MSRA: variants seen among roughly 807,000 people sequenced by gnomAD.
MSRA encodes mitochondrial peptide methionine sulfoxide reductase.
A neutral mutation model predicts 31.3 loss-of-function variants in MSRA; 54 were observed. The observed-to-expected ratio is 1.73, with a 90% CI of 1.39 to 2.17. MSRA has a LOEUF of 2.17. Among genes scored for constraint, MSRA ranks in the 30% most tolerant of loss-of-function variants. The pLI, the probability that MSRA is intolerant of heterozygous loss-of-function variation, is 0.00. For synonymous variants in MSRA, 169 were observed against 116.5 expected, an observed-to-expected ratio of 1.45 and a Z score of -2.90; for missense variants, 507 against 300.9, an observed-to-expected ratio of 1.69 and a Z score of -5.07.
At chr8:10,256,138 C>G (rs539934282) in intron 3 of MSRA, among the ~76,000 whole-genome samples, 1 of 152,022 alleles carries the variant, frequency 6.6e-6, no homozygotes, top group African/African-American at 2.4e-5. Context: ...GCCCATCCTC[C>G]CCCCCCAACC....
intron 5 of MSRA, among the ~76,000 whole-genome samples, chr8:10,418,838 A>AAAAAAAAAAC (rs1563459639): frequency 1.4e-5 from 1 of 69,424 alleles, no homozygotes; most frequent in African/African-American, 4.4e-5. Flanking sequence ...AAAAAAAAAA[A>AAAAAAAAAAC]CCAACAAAAA....
At chr8:10,105,477 T>TC (rs764403467) in intron 1 of MSRA, among the ~76,000 whole-genome samples, 1 of 152,242 alleles carries the variant, frequency 6.6e-6, no homozygotes, top group Non-Finnish European at 1.5e-5. Context: ...TCCCCAGGCA[T>TC]CCATCATTGA....
chr8:10,061,297 C>T (rs773575199), intron 1 of MSRA, among the ~76,000 whole-genome samples: 11 of 152,140 alleles, frequency 7.2e-5, no homozygotes, highest in African/African-American at 2.7e-4. Context: ...CATTAAATGT[C>T]TATTAAAGGC....
At chr8:10,382,495 G>A (rs991700776) in intron 5 of MSRA, among the ~76,000 whole-genome samples, 4 of 152,186 alleles carry the variant, frequency 2.6e-5, no homozygotes, top group African/African-American at 7.2e-5. Flanking sequence ...GGCTTTGAGT[G>A]CCCTATTTGC....
intron 5 of MSRA, among the ~76,000 whole-genome samples, chr8:10,427,384 G>T (rs370141176): frequency 1.3e-5 from 2 of 152,194 alleles, no homozygotes; most frequent in African/African-American, 4.8e-5. Context: ...TCCTTTCCCA[G>T]CTTGTGTTGA....
At chr8:10,183,616 G>C (rs1276057596) in intron 1 of MSRA, among the ~76,000 whole-genome samples, 1 of 152,178 alleles carries the variant, frequency 6.6e-6, no homozygotes, top group East Asian at 1.9e-4. Flanking sequence ...GAGAGTAGGA[G>C]ACAGGCTGAT....
At chr8:10,096,087 A>G (rs1478430741) in intron 1 of MSRA, 1 of 1,342,666 alleles carries the variant, frequency 7.4e-7, no homozygotes, top group African/African-American at 1.5e-5. Context: ...AGACATTTAT[A>G]GACATTAACT....
At chr8:10,176,293 C>A (rs755197141) in intron 1 of MSRA, among the ~76,000 whole-genome samples, 9 of 152,224 alleles carry the variant, frequency 5.9e-5, no homozygotes, top group African/African-American at 9.6e-5. Flanking sequence ...AGCATTTGTT[C>A]ATCTCAAATC....
intron 3 of MSRA, among the ~76,000 whole-genome samples, chr8:10,283,263 A>G (rs1799731181): frequency 1.3e-5 from 2 of 152,008 alleles, no homozygotes; most frequent in Admixed American, 6.6e-5. Flanking sequence ...TCAGTATCAC[A>G]CGGTGGATCC....
At chr8:10,272,783 G>T (rs914675993) in intron 3 of MSRA, among the ~76,000 whole-genome samples, 1 of 152,134 alleles carries the variant, frequency 6.6e-6, no homozygotes, top group Non-Finnish European at 1.5e-5. Flanking sequence ...TTGAGGGAGA[G>T]AAATTTTTGT....
chr8:10,073,156 A>C (rs1040260685), intron 1 of MSRA, among the ~76,000 whole-genome samples: 1 of 152,204 alleles, frequency 6.6e-6, no homozygotes, highest in African/African-American at 2.4e-5. Flanking sequence ...CCTTAAAAAA[A>C]AAGTATTGAG....
intron 5 of MSRA, among the ~76,000 whole-genome samples, chr8:10,376,188 C>A (rs927656436): frequency 1.2e-4 from 18 of 152,168 alleles, no homozygotes; most frequent in Non-Finnish European, 2.9e-5. Flanking sequence ...AGCTAAGTCA[C>A]TTGGGAAACA....
At chr8:10,363,041 G>A (rs1304622197) in intron 5 of MSRA, among the ~76,000 whole-genome samples, 2 of 152,152 alleles carry the variant, frequency 1.3e-5, no homozygotes, top group South Asian at 2.1e-4. Flanking sequence ...AGTGACCCTC[G>A]CCAGCCTCAG....
At chr8:10,255,521 G>A (rs1446580346) in intron 3 of MSRA, among the ~76,000 whole-genome samples, 2 of 152,142 alleles carry the variant, frequency 1.3e-5, no homozygotes, top group African/African-American at 4.8e-5. Context: ...AGCTGCTGGC[G>A]ACTGTCACAC....
At chr8:10,385,812 T>TGGGGGGGGGG (rs112720423) in intron 5 of MSRA, among the ~76,000 whole-genome samples, 165 of 145,694 alleles carry the variant, frequency 1.1e-3, no homozygotes, top group Non-Finnish European at 1.9e-3. Context: ...TGGTGGGGGG[T>TGGGGGGGGGG]GGGGTGTCTT....
chr8:10,107,962 C>T (rs550769459), intron 1 of MSRA, among the ~76,000 whole-genome samples: 10 of 152,154 alleles, frequency 6.6e-5, no homozygotes, highest in African/African-American at 2.4e-4. Flanking sequence ...GGAAATTCTT[C>T]CTCATATTTA....
intron 3 of MSRA, among the ~76,000 whole-genome samples, chr8:10,279,090 A>G (rs1258020397): frequency 3.9e-5 from 6 of 152,086 alleles, no homozygotes; most frequent in Admixed American, 3.9e-4. Context: ...GTTGTTTCCT[A>G]CCATAATTTT....
At chr8:10,424,379 G>T (rs1809001583) in intron 5 of MSRA, among the ~76,000 whole-genome samples, 1 of 151,548 alleles carries the variant, frequency 6.6e-6, no homozygotes, top group African/African-American at 2.4e-5. Context: ...AAGGCCCGGG[G>T]TGGAGTGGGA....
At chr8:10,164,740 C>T (rs1191006113) in intron 1 of MSRA, among the ~76,000 whole-genome samples, 1 of 152,104 alleles carries the variant, frequency 6.6e-6, no homozygotes, top group African/African-American at 2.4e-5. Flanking sequence ...CTGGGCTGCA[C>T]TTAAAAATCA....
Sources: gnomAD v4.1 joint callset for allele counts (sites outside exome capture counted in the v4.1 genomes callset) on GRCh38, gnomAD v4.1.1 for gene constraint, MANE v1.5 for transcripts, NCBI Gene and HGNC (gene_info 2026-07-23, HGNC 2026-07-21) for gene names.